TUNAR: variants seen among roughly 807,000 people sequenced by gnomAD.
The protein encoded by TUNAR is transmembrane neural differentiation associated intracellular calcium regulator.
chr14:95,923,775 A>G (rs1257165328), exon 3 of TUNAR: 1 of 151,608 alleles, frequency 6.6e-6, no homozygotes, highest in African/African-American at 2.4e-5. Context: ...ATTTTCCCAT[A>G]CTGTCAGCCA....
chr14:95,904,850 C>T (rs1889406059), intron 2 of TUNAR, among the ~76,000 whole-genome samples: 1 of 152,216 alleles, frequency 6.6e-6, no homozygotes, highest in African/African-American at 2.4e-5. Context: ...GGACGCTAGC[C>T]CTGGCTGAGG....
At chr14:95,919,714 A>G (rs1034367550) in intron 2 of TUNAR, among the ~76,000 whole-genome samples, 5 of 152,054 alleles carry the variant, frequency 3.3e-5, no homozygotes, top group African/African-American at 9.7e-5. Flanking sequence ...GCCTGTCTCA[A>G]AATAATAATA....
intron 2 of TUNAR, among the ~76,000 whole-genome samples, chr14:95,918,520 G>C (rs963829534): frequency 6.6e-6 from 1 of 152,182 alleles, no homozygotes; most frequent in African/African-American, 2.4e-5. Flanking sequence ...CACTCCCAAC[G>C]TGTTGTCTAC....
intron 2 of TUNAR, among the ~76,000 whole-genome samples, chr14:95,906,624 A>G (rs909730937): frequency 6.6e-6 from 1 of 152,188 alleles, no homozygotes; most frequent in Non-Finnish European, 1.5e-5. Flanking sequence ...CTGTTTTCCA[A>G]AATTACTTAG....
rs928448609 is a variant in TUNAR at position 95,895,555 on chromosome 14, C to A, written c.12+18378C>A. On this transcript the variant is annotated intron_variant, in intron 2 of 2. Transcript: ENST00000678517. The surrounding 1 kb of genome is among the most constrained non-coding windows in gnomAD (Gnocchi z 4.5). The stretch of plus-strand genomic sequence containing the variant: ...ATCTGTTTTACAAGGGAGTTCCCGA[C>A]GCATCCTCCAGGATCATGGTTCGCT... Among the ~76,000 whole-genome samples the A allele has an allele frequency of 6.6e-6, 1 of 152,126 alleles. No individual in the cohort carries two copies. The highest frequency in any genetic ancestry group is 1.5e-5 in the Non-Finnish European group (1 of 68,022).
At chr14:95,914,108 G>A (rs749963765) in intron 2 of TUNAR, among the ~76,000 whole-genome samples, 28 of 152,234 alleles carry the variant, frequency 1.8e-4, no homozygotes, top group Admixed American at 3.9e-4. Flanking sequence ...GACAGCCTTG[G>A]AAGAGTGCTA....
intron 2 of TUNAR, among the ~76,000 whole-genome samples, chr14:95,907,845 C>T (rs971057465): frequency 2.0e-5 from 3 of 151,776 alleles, no homozygotes; most frequent in African/African-American, 7.3e-5. Context: ...ATCTCTGAAG[C>T]CCTCAGCAGA....
intron 2 of TUNAR, among the ~76,000 whole-genome samples, chr14:95,911,416 C>T (rs896777443): frequency 3.9e-5 from 6 of 152,204 alleles, no homozygotes; most frequent in Non-Finnish European, 8.8e-5. Flanking sequence ...GTTTTCCGTT[C>T]ACTGGGCCAT....
chr14:95,911,747 A>C (rs1487414299), intron 2 of TUNAR, among the ~76,000 whole-genome samples: 1 of 152,218 alleles, frequency 6.6e-6, no homozygotes, highest in Non-Finnish European at 1.5e-5. Flanking sequence ...AAGAATTTGG[A>C]TAGAATAATC....
intron 2 of TUNAR, among the ~76,000 whole-genome samples, chr14:95,902,160 A>G (rs1053759070): frequency 6.6e-6 from 1 of 151,972 alleles, no homozygotes; most frequent in African/African-American, 2.4e-5. Flanking sequence ...TATCAAGTGT[A>G]TTTTTCCAGT....
chr14:95,877,308 A>G (rs534585409), intron 2 of TUNAR, 131 bp downstream of exon 1: 1 of 152,226 alleles, frequency 6.6e-6, no homozygotes, highest in South Asian at 2.1e-4. Context: ...TGAATCGTTC[A>G]ATTTCCCCTG....
intron 2 of TUNAR, among the ~76,000 whole-genome samples, chr14:95,899,470 A>G (rs1889315035): frequency 6.6e-6 from 1 of 152,216 alleles, no homozygotes; most frequent in African/African-American, 2.4e-5. Context: ...CTGCATGCAG[A>G]ATAATTCAAG....
intron 2 of TUNAR, among the ~76,000 whole-genome samples, chr14:95,886,560 A>G (rs537678784): frequency 6.6e-6 from 1 of 152,360 alleles, no homozygotes; most frequent in East Asian, 1.9e-4. Flanking sequence ...AGATGGTGCC[A>G]AGGGCACGGC....
At chr14:95,876,565 G>C (rs1888881184) in exon 1 of TUNAR, 1 of 152,704 alleles carries the variant, frequency 6.5e-6, no homozygotes, top group Non-Finnish European at 1.5e-5. Flanking sequence ...CTTGCGGCCG[G>C]GTGGGCGCCC....
At chr14:95,880,462 A>T (rs555827848) in intron 2 of TUNAR, among the ~76,000 whole-genome samples, 1 of 152,286 alleles carries the variant, frequency 6.6e-6, no homozygotes, top group East Asian at 1.9e-4. Context: ...TGAGAGCACT[A>T]GAATGAGCCA....
chr14:95,891,547 C>A (rs1210411995), intron 2 of TUNAR, among the ~76,000 whole-genome samples: 1 of 152,210 alleles, frequency 6.6e-6, no homozygotes, highest in Non-Finnish European at 1.5e-5. Flanking sequence ...GGAGCCTGCC[C>A]AGGGCCACAC....
At chr14:95,915,008 G>T (rs1229169249) in intron 2 of TUNAR, among the ~76,000 whole-genome samples, 1 of 152,184 alleles carries the variant, frequency 6.6e-6, no homozygotes, top group Non-Finnish European at 1.5e-5. Flanking sequence ...AGCTAAGCGA[G>T]AATATTTTGT....
chr14:95,889,725 C>T (rs1889142024), intron 2 of TUNAR, among the ~76,000 whole-genome samples: 1 of 152,154 alleles, frequency 6.6e-6, no homozygotes, highest in Non-Finnish European at 1.5e-5. Flanking sequence ...CCCTGTCTGG[C>T]TTCTGGCTGG....
chr14:95,904,147 C>A (rs1459783699), intron 2 of TUNAR, among the ~76,000 whole-genome samples: 1 of 152,138 alleles, frequency 6.6e-6, no homozygotes, highest in Non-Finnish European at 1.5e-5. Context: ...AGTTCACTCC[C>A]CTGTAACATG....
Sources: gnomAD v4.1 joint callset for allele counts (sites outside exome capture counted in the v4.1 genomes callset) on GRCh38, gnomAD v4.1.1 for gene constraint, Gnocchi (gnomAD v3.1) non-coding constraint, MANE v1.5 for transcripts, NCBI Gene and HGNC (gene_info 2026-07-23, HGNC 2026-07-21) for gene names.